Variants in UGGT1 observed in about 807,000 individuals in gnomAD.
UGGT1 encodes the protein UDP-glucose:glycoprotein glucosyltransferase 1.
In UGGT1, 107 loss-of-function variants were observed where a neutral mutation model predicts 203.9. That is an observed-to-expected ratio of 0.52 (90% CI 0.45 to 0.62). UGGT1 has a LOEUF of 0.62. Ranked by LOEUF, UGGT1 falls within the 20% of genes least tolerant of loss-of-function variation. UGGT1 has a pLI of 0.00. For synonymous variants in UGGT1, 628 were observed against 653.5 expected (o/e 0.96, Z 0.59); for missense variants, 1,673 against 1,867.2 (o/e 0.90, Z 1.92).
At chr2:128,129,942 C>T (rs943662976) in intron 13 of UGGT1, among the ~76,000 whole-genome samples, 1 of 152,058 alleles carries the variant, frequency 6.6e-6, no homozygotes, top group Non-Finnish European at 1.5e-5. Flanking sequence ...CTTTCTGAGC[C>T]TTTGTCTTGT....
intron 37 of UGGT1, among the ~76,000 whole-genome samples, chr2:128,182,794 T>G (rs1691768734): frequency 6.6e-6 from 1 of 151,764 alleles, no homozygotes. Context: ...ACCTCCCAAC[T>G]TATTGACTGT....
chr2:128,142,990 AG>A, intron 16 of UGGT1, 103 bp from the exon 17 acceptor site: 14 of 1,242,616 alleles, frequency 1.1e-5, no homozygotes, highest in Admixed American at 9.5e-5. Context: ...AAAAAAAAAA[AG>A]AAAAATAAGT....
intron 21 of UGGT1, 61 bp downstream of exon 21, chr2:128,156,476 T>C: frequency 1.5e-6 from 2 of 1,347,670 alleles, no homozygotes; most frequent in Non-Finnish European, 2.1e-6. Flanking sequence ...CAGTGACCAT[T>C]GTAATTTAGA....
rs374812483 is a variant in UGGT1, at chr2:128,167,793, T to C, written c.2922-2495T>C. Among the ~76,000 whole-genome samples the C allele has an allele frequency of 1.8e-4, 27 of 152,318 alleles. No homozygotes were observed. In the South Asian group the frequency reaches 5.6e-3, roughly 32 times the overall value. ...CACAAATACTCCTCTTTCCTTGTTT[T>C]TTTTCGAGTCCCTTTTTCTTGTTCT... On this transcript the variant is annotated intron_variant, in intron 26 of 40. Coordinates refer to ENST00000259253, the MANE Select transcript of UGGT1 (RefSeq NM_020120.4).
intron 25 of UGGT1, among the ~76,000 whole-genome samples, chr2:128,164,123 G>GATCAA (rs1462685920): frequency 3.3e-5 from 5 of 152,154 alleles, no homozygotes; most frequent in African/African-American, 1.2e-4. Flanking sequence ...AGGATGCTGA[G>GATCAA]ATCAAGCCCT....
intron 1 of UGGT1, among the ~76,000 whole-genome samples, chr2:128,095,795 G>T (rs1486537876): frequency 6.6e-6 from 1 of 152,158 alleles, no homozygotes; most frequent in Non-Finnish European, 1.5e-5. Context: ...CTATGAAGCA[G>T]GATGTTAACA....
intron 5 of UGGT1, among the ~76,000 whole-genome samples, chr2:128,110,879 C>T (rs1047022199): frequency 2.5e-4 from 38 of 152,126 alleles, no homozygotes; most frequent in Non-Finnish European, 4.1e-4. Context: ...TAAGTCATTT[C>T]CTCCTGTTAC....
At chr2:128,105,700 A>G (rs1040256894) in intron 3 of UGGT1, among the ~76,000 whole-genome samples, 2 of 151,956 alleles carry the variant, frequency 1.3e-5, no homozygotes, top group African/African-American at 4.8e-5. Context: ...GTTTTAGCAG[A>G]GACGGGGTTT....
Position 128,161,224 on chromosome 2 carries a change from G to A in UGGT1, c.2781G>A (p.Gln927=). The part of the protein sequence containing the change: ...LENIILKTSG[Q]KIKSHIQQLR... ...ATATCATCTTAAAAACCTCAGGACA[G>A]AAAATAAAATCTCATATTCAACAGC... The change falls in exon 25 of 41, where the codon CAG becomes CAA. Residue 927 remains glutamine, a synonymous_variant. Coordinates refer to ENST00000259253, the MANE Select transcript of UGGT1 (RefSeq NM_020120.4). 6.2e-7 allele frequency: 1 copy of A among 1,613,984 alleles called. No homozygotes were observed. The highest frequency in any genetic ancestry group is 8.5e-7 in the Non-Finnish European group (1 of 1,179,952).
chr2:128,189,171 A>T (rs1057012864), intron 40 of UGGT1, among the ~76,000 whole-genome samples: 5 of 152,248 alleles, frequency 3.3e-5, no homozygotes, highest in African/African-American at 1.2e-4. Flanking sequence ...AGCTTTGTGT[A>T]TTGGAATAGC....
At chr2:128,168,235 A>G (rs1027201293) in intron 26 of UGGT1, among the ~76,000 whole-genome samples, 2 of 152,214 alleles carry the variant, frequency 1.3e-5, no homozygotes, top group Non-Finnish European at 2.9e-5. Flanking sequence ...AGCTGATGCC[A>G]CTGCTCTGGA....
chr2:128,158,973 A>C (rs1690380933), intron 22 of UGGT1, among the ~76,000 whole-genome samples: 1 of 152,168 alleles, frequency 6.6e-6, no homozygotes, highest in South Asian at 2.1e-4. Context: ...TGCTATATTT[A>C]CCGGGAAGGT....
chr2:128,115,261 A>G, intron 7 of UGGT1, 41 bp downstream of exon 7: 1 of 1,553,406 alleles, frequency 6.4e-7, no homozygotes, highest in Non-Finnish European at 8.9e-7. Context: ...TTCTTCAAAT[A>G]TGAGTTAAAG....
chr2:128,176,279 G>A (rs941464275), intron 31 of UGGT1, among the ~76,000 whole-genome samples: 1 of 152,126 alleles, frequency 6.6e-6, no homozygotes, highest in Non-Finnish European at 1.5e-5. Context: ...CAGGCGTGGT[G>A]GTGGGTGCCT....
At chr2:128,166,527 T>C (rs1690797542) in intron 26 of UGGT1, among the ~76,000 whole-genome samples, 2 of 152,192 alleles carry the variant, frequency 1.3e-5, no homozygotes. Context: ...TACAACTGTT[T>C]TTTGTATTTG....
In UGGT1 at chr2:128,176,861, T is replaced by G; in HGVS notation, c.3587T>G (p.Val1196Gly). 6.2e-7 allele frequency: 1 copy of G among 1,614,140 alleles called. No individual in the cohort carries two copies. The highest frequency in any genetic ancestry group is 8.5e-7 in the Non-Finnish European group (1 of 1,180,026). Residue 1196 changes from valine (V) to glycine (G), a missense_variant, in exon 32 of 41, where the codon GTC becomes GGC. Coordinates refer to ENST00000259253, the MANE Select transcript of UGGT1 (RefSeq NM_020120.4). Reference sequence around the variant, plus strand: ...CCTGATGCTGATGAGGTGGTTATCGTCCTCAACAACTTCAAAAGCAAAATT... The same window carrying G: ...CCTGATGCTGATGAGGTGGTTATCGGCCTCAACAACTTCAAAAGCAAAATT... ...SPPDADEVVIVLNNFKSKIIK... is the reference protein window; with the variant it reads ...SPPDADEVVIGLNNFKSKIIK...
rs558066198 is a variant in UGGT1, at chr2:128,172,581, G to A, written c.3113G>A (p.Arg1038His). 20 of 1,613,776 alleles carry A rather than the reference G, an allele frequency of 1.2e-5. No homozygotes were observed. Among genetic ancestry groups the A allele is most frequent in the Middle Eastern group, 1.6e-4 (1 of 6,084 alleles). ...TTCCTTTTCAATTTCAGCTTTTACC[G>A]TTATGTCTTAGAACCAGAGATTTCT... ...LSDMPLKSFY[R>H]YVLEPEISFT... Residue 1038 changes from arginine to histidine, a missense_variant, in exon 29 of 41, where the codon CGT becomes CAT. By Grantham distance (29) the Arg-to-His change is conservative (BLOSUM62 0). Coordinates refer to ENST00000259253, the MANE Select transcript of UGGT1 (RefSeq NM_020120.4).
chr2:128,117,528 GTCT>G, intron 8 of UGGT1, among the ~76,000 whole-genome samples: 1 of 149,328 alleles, frequency 6.7e-6, no homozygotes, highest in Admixed American at 6.8e-5. Context: ...TAGCTGGAAA[GTCT>G]TCTTAACTGT....
At chr2:128,128,957 T>C in intron 12 of UGGT1, 72 bp from the exon 13 acceptor site, 1 of 1,449,992 alleles carries the variant, frequency 6.9e-7, no homozygotes, top group Non-Finnish European at 9.2e-7. Flanking sequence ...CTGATACATT[T>C]TTTTTCATGG....
Sources: gnomAD v4.1 joint callset for allele counts (sites outside exome capture counted in the v4.1 genomes callset) on GRCh38, gnomAD v4.1.1 for gene constraint, MANE v1.5 for transcripts, NCBI Gene and HGNC (gene_info 2026-07-23, HGNC 2026-07-21) for gene names.